Variants in ZNF292 observed in about 807,000 individuals in gnomAD.
The protein encoded by ZNF292 is zinc finger protein 292.
A neutral mutation model predicts 217.9 loss-of-function variants in ZNF292; 26 were observed. That is an observed-to-expected ratio of 0.12 (90% CI 0.09 to 0.17). The LOEUF is 0.17. Among genes scored for constraint, ZNF292 ranks in the 10% least tolerant of loss-of-function variants. The pLI, the probability that ZNF292 is intolerant of heterozygous loss-of-function variation, is 1.00. For synonymous variants in ZNF292, 1,257 were observed against 1,124.1 expected, an observed-to-expected ratio of 1.12 and a Z score of -2.37; for missense variants, 2,904 against 3,175.2, an observed-to-expected ratio of 0.91 and a Z score of 2.05.
chr6:87,247,141 C>T (rs1270059211), intron 7 of ZNF292, among the ~76,000 whole-genome samples: 1 of 150,576 alleles, frequency 6.6e-6, no homozygotes, highest in African/African-American at 2.5e-5. Flanking sequence ...CACTGCACTC[C>T]AGCCTGGGAA....
At chr6:87,172,737 C>G (rs1261915904) in intron 1 of ZNF292, among the ~76,000 whole-genome samples, 1 of 151,866 alleles carries the variant, frequency 6.6e-6, no homozygotes, top group South Asian at 2.1e-4. Flanking sequence ...AAAACCTCAT[C>G]TCTATAAAAA....
In ZNF292 at chr6:87,250,035, AAC is replaced by A. The variant is rs1164584938; in HGVS notation, c.1020+4393_1020+4394del. ...AACTGGTAACCCTTAAAAAAAAAAA[AAC>A]AAAAAAAAAAACTCCAGGAATTGAA... On this transcript the variant is annotated intron_variant, in intron 7 of 7. Transcript: ENST00000369577. Among the ~76,000 whole-genome samples the A allele has an allele frequency of 1.9e-3, 270 of 143,022 alleles. 6 individuals are homozygous for A. Among genetic ancestry groups the A allele is most frequent in the African/African-American group, 4.2e-3 (162 of 38,472 alleles). 93.8% of individuals were successfully genotyped at this position (143,022 alleles called of 152,430 possible). A position where few individuals can be genotyped will look rare whatever the true frequency, so the allele number is the denominator to read the frequency against.
At position 87,262,149 on chromosome 6, in the gene ZNF292, C is replaced by G. The variant is rs566496250; in HGVS notation, c.*348C>G. 6.3e-6 allele frequency: 1 copy of G among 159,050 alleles called. No homozygotes were observed. Among genetic ancestry groups the G allele is most frequent in the African/African-American group, 2.4e-5 (1 of 41,646 alleles). 9.9% of individuals were successfully genotyped at this position (159,050 alleles called of 1,614,324 possible). A position where few individuals can be genotyped will look rare whatever the true frequency, so the allele number is the denominator to read the frequency against. On this transcript the variant is annotated 3_prime_UTR_variant, in exon 8 of 8. Transcript: ENST00000369577. ...TAACAGTACTCTTTATTTGTAGATA[C>G]CTTTTTTGTATATATTTATTATTGT...
chr6:87,255,202 A>G lies in ZNF292; in HGVS notation c.1573A>G (p.Arg525Gly). 1 of 1,613,890 alleles carries G rather than the reference A, an allele frequency of 6.2e-7. No individual in the cohort carries two copies. Among genetic ancestry groups the G allele is most frequent in the Non-Finnish European group, 8.5e-7 (1 of 1,179,840 alleles). ...KQKKREIKQL[R>G]ERGFISARFR... ...GAAGAAGAGAGAGATAAAACAGTTA[A>G]GAGAGAGGGGATTTATATCTGCTCG... is the stretch of plus-strand genomic sequence containing the variant. Residue 525 changes from arginine to glycine, a missense_variant, in exon 8 of 8, where the codon AGA becomes GGA. By Grantham distance (125) the Arg-to-Gly change is moderately radical (BLOSUM62 -2). Coordinates refer to ENST00000369577, the MANE Select transcript of ZNF292 (RefSeq NM_015021.3).
chr6:87,234,728 G>A (rs1773816892), intron 5 of ZNF292, among the ~76,000 whole-genome samples: 1 of 152,082 alleles, frequency 6.6e-6, no homozygotes, highest in South Asian at 2.1e-4. Flanking sequence ...ATATGTTAAG[G>A]GAAAAATTGA....
Position 87,203,133 on chromosome 6 carries a change from C to CT in ZNF292, c.169-12749dup, listed in dbSNP as rs67229216. Among the ~76,000 whole-genome samples the CT allele has an allele frequency of 2.2e-3, 254 of 116,216 alleles. 1 individual carries two copies. The highest frequency in any genetic ancestry group is 0.014 in the East Asian group (59 of 4,152). The allele number at this position is 116,216 out of a possible 152,430, so 76.2% of individuals were successfully genotyped here. On this transcript the variant is annotated intron_variant, in intron 1 of 7. Coordinates refer to ENST00000369577, the MANE Select transcript of ZNF292 (RefSeq NM_015021.3). Reference sequence around the variant, plus strand: ...GAGTGAATTACATTAATATATTTTCCTTTTTTTTTTTTTTTTTTTTTAAAG... The same window carrying CT: ...GAGTGAATTACATTAATATATTTTCCTTTTTTTTTTTTTTTTTTTTTTAAAG...
rs1470606961 is a variant in ZNF292 at position 87,180,165 on chromosome 6, C to CA, written c.168+24413dup. On this transcript the variant is annotated intron_variant, in intron 1 of 7. Transcript: ENST00000369577. ...AGCTGAATCGCAAAACAAAACAAAA[C>CA]AAAAAAACAGAACAAAACAAAAACC... 6.6e-5 allele frequency among the ~76,000 whole-genome samples: 10 copies of CA among 152,034 alleles called. 1 individual carries two copies. The highest frequency in any genetic ancestry group is 3.3e-4 in the Admixed American group (5 of 15,254).
In ZNF292 at chr6:87,255,740, G is replaced by C. The variant is rs372209789; in HGVS notation, c.2111G>C (p.Gly704Ala). 5.6e-6 allele frequency: 9 copies of C among 1,613,496 alleles called. No homozygotes were observed. In the African/African-American group the frequency reaches 1.2e-4, roughly 22 times the overall value. Residue 704 changes from glycine (G) to alanine (A), a missense_variant, in exon 8 of 8, where the codon GGG (glycine) becomes GCG (alanine). Transcript: ENST00000369577. Reference sequence around the variant, plus strand: ...AAAAATTTAATTGCTCATGTGAAGGGGCATAAAGATAATGAAGACGCCAAG... The same window carrying C: ...AAAAATTTAATTGCTCATGTGAAGGCGCATAAAGATAATGAAGACGCCAAG... Reference protein sequence around the residue: ...YFKNLIAHVKGHKDNEDAKRF... With the variant: ...YFKNLIAHVKAHKDNEDAKRF...
In ZNF292 at chr6:87,256,915, C is replaced by G. The variant is rs776901460; in HGVS notation, c.3286C>G (p.Gln1096Glu). Residue 1096 changes from glutamine to glutamate, a missense_variant, in exon 8 of 8, where the codon CAG becomes GAG. Physicochemically the swap from Gln to Glu is conservative, Grantham distance 29. Transcript: ENST00000369577. The stretch of plus-strand genomic sequence containing the variant: ...ATCAGTGCCTCCAAAAGCTCCAGTT[C>G]AGAAATTCAGCTGCCAGGTCGAGGG... ...TPSVPPKAPV[Q>E]KFSCQVEGCT... 1 of 1,613,672 alleles carries G rather than the reference C, an allele frequency of 6.2e-7. No individual in the cohort carries two copies. The highest frequency in any genetic ancestry group is 1.3e-5 in the African/African-American group (1 of 74,914).
intron 1 of ZNF292, among the ~76,000 whole-genome samples, chr6:87,202,299 G>A (rs1262417792): frequency 1.3e-5 from 2 of 151,774 alleles, no homozygotes; most frequent in Non-Finnish European, 2.9e-5. Flanking sequence ...GGTACTTCAC[G>A]AGTTTTGTTA....
intron 1 of ZNF292, among the ~76,000 whole-genome samples, chr6:87,206,223 A>G (rs907919958): frequency 3.3e-5 from 5 of 152,212 alleles, no homozygotes; most frequent in Admixed American, 1.3e-4. Flanking sequence ...AACAGGTCAC[A>G]TGGTTAGGAA....
intron 5 of ZNF292, among the ~76,000 whole-genome samples, chr6:87,239,332 G>A (rs1390654245): frequency 2.0e-5 from 3 of 150,958 alleles, no homozygotes; most frequent in Non-Finnish European, 3.0e-5. Flanking sequence ...TGGACGGGGC[G>A]GCTGGCCAGG....
intron 4 of ZNF292, among the ~76,000 whole-genome samples, chr6:87,225,680 G>A (rs1355720852): frequency 6.6e-6 from 1 of 151,936 alleles, no homozygotes; most frequent in Non-Finnish European, 1.5e-5. Flanking sequence ...ATCTGTTGCC[G>A]TTTCTACAGT....
chr6:87,218,760 A>T, intron 4 of ZNF292, 29 bp downstream of exon 4: 1 of 1,539,970 alleles, frequency 6.5e-7, no homozygotes, highest in South Asian at 1.3e-5. Context: ...GAGAAAAAAA[A>T]GAATAATTAG....
Position 87,256,702 on chromosome 6 carries a change from G to A in ZNF292, c.3073G>A (p.Val1025Met). 6.2e-7 allele frequency: 1 copy of A among 1,613,052 alleles called. No homozygotes were observed. The highest frequency in any genetic ancestry group is 8.5e-7 in the Non-Finnish European group (1 of 1,179,800). Residue 1025 changes from valine (V) to methionine (M), a missense_variant, in exon 8 of 8, where the codon GTG becomes ATG. Physicochemically the swap from Val to Met is conservative, Grantham distance 21. This residue lies in a region of ZNF292 where 687 missense variants were observed against 623.0 expected (regional missense o/e 1.10). Transcript: ENST00000369577. The part of the protein sequence containing the change: ...DLTPQNLERQ[V>M]NNLMTFSVQN... ...TACCCCACAAAACTTAGAAAGACAAGTGAACAACTTGATGACCTTTTCTGT... is the reference window on the plus strand; with the variant it reads ...TACCCCACAAAACTTAGAAAGACAAATGAACAACTTGATGACCTTTTCTGT...
chr6:87,253,591 T>A (rs540124590), intron 7 of ZNF292, among the ~76,000 whole-genome samples: 2 of 152,296 alleles, frequency 1.3e-5, no homozygotes, highest in African/African-American at 4.8e-5. Context: ...TTCTTTTTGG[T>A]CATTGTGCTC....
At position 87,257,231 on chromosome 6, in the gene ZNF292, C is replaced by T. The variant is rs780800206; in HGVS notation, c.3602C>T (p.Thr1201Ile). Residue 1201 changes from threonine (T) to isoleucine (I), a missense_variant, in exon 8 of 8, where the codon ACT becomes ATT. Thr to Ile is a moderately conservative substitution (Grantham distance 89). Transcript: ENST00000369577. ...CCAGCTCATTTAGCAAGTGTGTCAA[C>T]TCCATTGTTGTCCTCAATGGAAAGT... Reference protein sequence around the residue: ...IFPAHLASVSTPLLSSMESVI... With the variant: ...IFPAHLASVSIPLLSSMESVI... 1.9e-4 allele frequency: 305 copies of T among 1,613,702 alleles called. No individual in the cohort carries two copies. The highest frequency in any genetic ancestry group is 2.5e-4 in the Non-Finnish European group (299 of 1,179,834).
chr6:87,176,071 TG>T (rs201357603), intron 1 of ZNF292, among the ~76,000 whole-genome samples: 2 of 151,784 alleles, frequency 1.3e-5, no homozygotes, highest in African/African-American at 4.8e-5. Flanking sequence ...ATATGTGTGG[TG>T]GGGGGGGCTT....
chr6:87,253,242 T>TTTTTTTA (rs1197544803), intron 7 of ZNF292, among the ~76,000 whole-genome samples: 2 of 134,724 alleles, frequency 1.5e-5, no homozygotes, highest in African/African-American at 5.8e-5. Flanking sequence ...TTTTTTTTTT[T>TTTTTTTA]GAGACAGGGT....
Sources: allele counts gnomAD v4.1 joint callset (sites outside exome capture counted in the v4.1 genomes callset), GRCh38; gene constraint gnomAD v4.1.1; regional missense constraint gnomAD v4.1.1; transcripts MANE v1.5; gene names NCBI Gene and HGNC (gene_info 2026-07-23, HGNC 2026-07-21).